The following DHX57 variants were observed in gnomAD, a reference collection of about 807,000 sequenced individuals.
The protein encoded by DHX57 is putative ATP-dependent RNA helicase DHX57.
A neutral mutation model predicts 156.2 loss-of-function variants in DHX57; 105 were observed. The ratio of observed to expected loss-of-function variants is 0.67; its 90% CI spans 0.57 to 0.79. The LOEUF is 0.79. DHX57 is among the 30% of genes least tolerant of loss of function. The pLI is 0.00. For missense variants in DHX57, 1,847 were observed against 1,661.9 expected (o/e 1.11, Z -1.94); for synonymous variants, 704 against 595.6 (o/e 1.18, Z -2.65).
chr2:38,831,817 A>G (rs1172135774), intron 13 of DHX57, among the ~76,000 whole-genome samples: 1 of 149,618 alleles, frequency 6.7e-6, no homozygotes, highest in Non-Finnish European at 1.5e-5. Flanking sequence ...AGATCACACC[A>G]TCGCACTCCA....
At chr2:38,861,927 T>G (rs1186214982) in intron 4 of DHX57, 90 bp from the exon 5 acceptor site, 2 of 1,370,420 alleles carry the variant, frequency 1.5e-6, no homozygotes, top group African/African-American at 2.9e-5. Flanking sequence ...TTAGATGAAG[T>G]TATGACTACA....
At chr2:38,821,955 G>C (rs1670838310) in intron 17 of DHX57, among the ~76,000 whole-genome samples, 2 of 152,106 alleles carry the variant, frequency 1.3e-5, no homozygotes, top group Admixed American at 6.6e-5. Context: ...AAATGAAATA[G>C]ACAATCTGAA....
intron 9 of DHX57, chr2:38,853,424 T>C (rs930721227): frequency 6.6e-6 from 1 of 152,150 alleles, no homozygotes; most frequent in African/African-American, 2.4e-5. Flanking sequence ...CGCCCGGCCA[T>C]ACTTCAGTTT....
chr2:38,803,812 C>T (rs1461305880), intron 22 of DHX57, among the ~76,000 whole-genome samples: 58 of 143,834 alleles, frequency 4.0e-4, no homozygotes, highest in African/African-American at 1.1e-3. Context: ...GATGCAGTCT[C>T]GCTCTGTCAC....
rs1365261765 is a variant in DHX57, at chr2:38,807,954, T to TG, written c.3682-1262_3682-1261insC. Among the ~76,000 whole-genome samples the TG allele has an allele frequency of 4.2e-3, 526 of 124,634 alleles. 6 individuals are homozygous for TG. The highest frequency in any genetic ancestry group is 0.016 in the African/African-American group (500 of 32,012). 81.8% of individuals were successfully genotyped at this position (124,634 alleles called of 152,430 possible). A position where few individuals can be genotyped will look rare whatever the true frequency, so the allele number is the denominator to read the frequency against. On this transcript the variant is annotated intron_variant, in intron 21 of 23. Coordinates refer to ENST00000457308, the MANE Select transcript of DHX57 (RefSeq NM_198963.3). ...AGCCACTGTGTCTTGCCTTTTTTTT[T>TG]TTTTTTTTTTTTTTTTTTTGAGATG... is the stretch of plus-strand genomic sequence containing the variant.
At chr2:38,865,852 T>C (rs1235312109) in intron 2 of DHX57, among the ~76,000 whole-genome samples, 1 of 152,206 alleles carries the variant, frequency 6.6e-6, no homozygotes, top group African/African-American at 2.4e-5. Context: ...ATTTTATATC[T>C]ACACTTGGAG....
intron 2 of DHX57, among the ~76,000 whole-genome samples, chr2:38,866,829 G>A (rs1256719087): frequency 1.3e-5 from 2 of 152,216 alleles, no homozygotes; most frequent in Admixed American, 1.3e-4. Context: ...GGGAGGCCAA[G>A]GCAGGAGAAT....
chr2:38,838,749 G>A (rs895537110), intron 12 of DHX57: 1 of 454,432 alleles, frequency 2.2e-6, no homozygotes, highest in East Asian at 7.0e-5. Context: ...GTTCCTTTGA[G>A]AAAATGATAA....
At chr2:38,848,902 T>C (rs1672431406) in intron 9 of DHX57, among the ~76,000 whole-genome samples, 1 of 152,232 alleles carries the variant, frequency 6.6e-6, no homozygotes, top group Non-Finnish European at 1.5e-5. Flanking sequence ...TTCTGATTTT[T>C]GGATTAGGGA....
At chr2:38,810,631 A>G in intron 21 of DHX57, 1 of 651,094 alleles carries the variant, frequency 1.5e-6, no homozygotes, top group South Asian at 1.4e-5. Flanking sequence ...GGATACCTGC[A>G]CTTTCCCTTC....
chr2:38,820,992 C>G (rs1301285956), intron 17 of DHX57, among the ~76,000 whole-genome samples: 1 of 151,126 alleles, frequency 6.6e-6, no homozygotes, highest in Non-Finnish European at 1.5e-5. Flanking sequence ...AAACAAAGCT[C>G]AATACATTTT....
At chr2:38,874,700 C>T (rs1665525758) in intron 1 of DHX57, among the ~76,000 whole-genome samples, 1 of 152,164 alleles carries the variant, frequency 6.6e-6, no homozygotes, top group African/African-American at 2.4e-5. Flanking sequence ...TGAGCCACCG[C>T]GCCCGACCTG....
chr2:38,811,674 G>A (rs983852700), intron 21 of DHX57: 3 of 1,072,640 alleles, frequency 2.8e-6, no homozygotes, highest in African/African-American at 1.6e-5. Context: ...GATTGGAGGT[G>A]CAATTCCTGG....
At chr2:38,810,785 C>T (rs746145081) in intron 21 of DHX57, 3 of 777,068 alleles carry the variant, frequency 3.9e-6, no homozygotes, top group Admixed American at 3.5e-5. Flanking sequence ...GCAAAGCCCT[C>T]AATGTCTAAA....
At chr2:38,823,324 A>G in intron 16 of DHX57, 55 bp from the exon 17 acceptor site, 1 of 1,512,608 alleles carries the variant, frequency 6.6e-7, no homozygotes, top group Non-Finnish European at 9.0e-7. Context: ...GGGATGACAC[A>G]GAGGAATAAT....
chr2:38,803,932 C>G (rs1291374753), intron 22 of DHX57, among the ~76,000 whole-genome samples: 1 of 152,086 alleles, frequency 6.6e-6, no homozygotes, highest in Admixed American at 6.6e-5. Flanking sequence ...CAGGCTTGCA[C>G]TATCACACCT....
At chr2:38,830,962 G>A (rs1187938720) in intron 13 of DHX57, among the ~76,000 whole-genome samples, 1 of 152,098 alleles carries the variant, frequency 6.6e-6, no homozygotes, top group Non-Finnish European at 1.5e-5. Context: ...GGGCTCGAGA[G>A]GCTGAGGGAG....
Position 38,837,873 on chromosome 2 carries a change from A to G in DHX57, c.2500T>C (p.Leu834=). ...TTTCCATCCACAATCCACTCTAATA[A>G]GGCCTCTATTAATTCAAGATTCACC... ...EKVNLELIEA[L]LEWIVDGKHS... is the part of the protein sequence containing the mutation. Residue 834 remains leucine (L), a synonymous_variant, in exon 13 of 24, where the codon TTA becomes CTA. Transcript: ENST00000457308. The G allele has an allele frequency of 6.2e-7, 1 of 1,613,458 alleles. No homozygotes were observed. The highest frequency in any genetic ancestry group is 8.5e-7 in the Non-Finnish European group (1 of 1,179,436).
chr2:38,798,477 AG>A, intron 23 of DHX57, 35 bp from the exon 24 acceptor site: 1 of 1,580,112 alleles, frequency 6.3e-7, no homozygotes, highest in Non-Finnish European at 8.6e-7. Context: ...CAGTGCTTGG[AG>A]GAACAGGCAG....
Sources: gnomAD v4.1 joint callset for allele counts (sites outside exome capture counted in the v4.1 genomes callset) on GRCh38, gnomAD v4.1.1 for gene constraint, MANE v1.5 for transcripts, NCBI Gene and HGNC (gene_info 2026-07-23, HGNC 2026-07-21) for gene names.